CDH13: variants seen among roughly 807,000 people sequenced by gnomAD.
The protein encoded by CDH13 is cadherin-13.
In CDH13, 24 loss-of-function variants were observed where a neutral mutation model predicts 63.8. The ratio of observed to expected loss-of-function variants is 0.38; its 90% CI spans 0.27 to 0.53. The LOEUF is 0.53. CDH13 is among the 20% of genes least tolerant of loss of function. The pLI is 0.85. For synonymous variants in CDH13, 503 were observed against 355.3 expected (o/e 1.42, Z -4.67); for missense variants, 1,049 against 903.1 (o/e 1.16, Z -2.07).
chr16:83,304,476 A>G (rs761842150), intron 5 of CDH13, among the ~76,000 whole-genome samples: 1 of 152,208 alleles, frequency 6.6e-6, no homozygotes, highest in Non-Finnish European at 1.5e-5. Context: ...CTAGAAGTCT[A>G]CATAAAAATA....
At position 83,112,336 on chromosome 16, in the gene CDH13, C is replaced by G. The variant is rs147256957; in HGVS notation, c.367-13049C>G. 1.6e-3 allele frequency among the ~76,000 whole-genome samples: 242 copies of G among 152,252 alleles called. 1 individual carries two copies. Among genetic ancestry groups the G allele is most frequent in the African/African-American group, 5.4e-3 (225 of 41,544 alleles). The stretch of plus-strand genomic sequence containing the variant: ...TTCAGAGATCCAGGCTCCATCTATC[C>G]TAAAGCAAGCAAACAGGCTTTGAGA... On this transcript the variant is annotated intron_variant, in intron 3 of 13. Transcript: ENST00000567109.
chr16:83,300,582 A>G (rs1425555040), intron 5 of CDH13, among the ~76,000 whole-genome samples: 2 of 152,238 alleles, frequency 1.3e-5, no homozygotes, highest in African/African-American at 4.8e-5. Context: ...GCTTGGCACC[A>G]TGCCAGGCAG....
At chr16:83,136,624 G>A (rs1269354295) in intron 4 of CDH13, among the ~76,000 whole-genome samples, 1 of 152,142 alleles carries the variant, frequency 6.6e-6, no homozygotes. Flanking sequence ...GAGAAACTGG[G>A]CTCTCATAGC....
intron 4 of CDH13, among the ~76,000 whole-genome samples, chr16:83,209,214 C>T (rs182913785): frequency 1.2e-4 from 18 of 152,314 alleles, no homozygotes; most frequent in Admixed American, 1.2e-3. Context: ...AGTTAGCACC[C>T]TTTCCCTAAC....
In CDH13 at chr16:83,509,223, G is replaced by A. The variant is rs993139647; in HGVS notation, c.960+22568G>A. ...TATTCACAAAGTATAGCAGGGAGGC[G>A]GCCATGGAAATGACTCTTTACAGCA... On this transcript the variant is annotated intron_variant, in intron 7 of 13. Coordinates refer to ENST00000567109, the MANE Select transcript of CDH13 (RefSeq NM_001257.5). 2.8e-4 allele frequency among the ~76,000 whole-genome samples: 43 copies of A among 152,176 alleles called. 1 individual carries two copies. The highest frequency in any genetic ancestry group is 4.6e-4 in the Admixed American group (7 of 15,278).
intron 6 of CDH13, among the ~76,000 whole-genome samples, chr16:83,407,855 A>G (rs1408366498): frequency 1.3e-5 from 2 of 152,188 alleles, no homozygotes; most frequent in East Asian, 1.9e-4. Context: ...CAAATGCGTA[A>G]TCGACTCACA....
chr16:82,784,987 A>G (rs1317825564), intron 1 of CDH13, among the ~76,000 whole-genome samples: 5 of 152,182 alleles, frequency 3.3e-5, no homozygotes, highest in Admixed American at 2.0e-4. Flanking sequence ...TCCTGGACTC[A>G]GACAGTTAGG....
intron 2 of CDH13, among the ~76,000 whole-genome samples, chr16:82,970,106 G>C (rs961293952): frequency 3.3e-5 from 5 of 152,048 alleles, no homozygotes; most frequent in Non-Finnish European, 4.4e-5. Flanking sequence ...CCCATCGACA[G>C]TGTGGTGTTT....
chr16:82,913,544 G>C (rs1336239354), intron 2 of CDH13, among the ~76,000 whole-genome samples: 2 of 152,130 alleles, frequency 1.3e-5, no homozygotes, highest in African/African-American at 4.8e-5. Context: ...TTGTTACTGT[G>C]GGTCGATGGG....
At chr16:82,855,807 G>A (rs1328010563) in intron 1 of CDH13, among the ~76,000 whole-genome samples, 1 of 152,128 alleles carries the variant, frequency 6.6e-6, no homozygotes, top group African/African-American at 2.4e-5. Context: ...CCAGCCACAC[G>A]GTGAACCTCC....
At chr16:83,586,655 T>C (rs979552300) in intron 7 of CDH13, among the ~76,000 whole-genome samples, 1 of 152,156 alleles carries the variant, frequency 6.6e-6, no homozygotes, top group African/African-American at 2.4e-5. Flanking sequence ...GGAGCCCAGA[T>C]CAGAAAAGGG....
chr16:83,016,060 C>G (rs989981091), intron 2 of CDH13, among the ~76,000 whole-genome samples: 2 of 152,028 alleles, frequency 1.3e-5, no homozygotes, highest in African/African-American at 4.8e-5. Context: ...TGGCAAGGCA[C>G]TCTTGGCAGG....
At chr16:83,256,567 C>G (rs924215039) in intron 5 of CDH13, among the ~76,000 whole-genome samples, 2 of 151,368 alleles carry the variant, frequency 1.3e-5, no homozygotes, top group Non-Finnish European at 2.9e-5. Context: ...CACGGTGGCT[C>G]ACGCCTGTAA....
At chr16:83,269,456 A>T (rs2088729241) in intron 5 of CDH13, among the ~76,000 whole-genome samples, 2 of 152,208 alleles carry the variant, frequency 1.3e-5, no homozygotes, top group African/African-American at 4.8e-5. Flanking sequence ...GGATATGAAG[A>T]TACAAAGATG....
At chr16:83,396,225 T>C (rs2091884220) in intron 6 of CDH13, among the ~76,000 whole-genome samples, 1 of 152,206 alleles carries the variant, frequency 6.6e-6, no homozygotes, top group African/African-American at 2.4e-5. Flanking sequence ...TCCGTGCCTT[T>C]GCTATTGTGT....
intron 6 of CDH13, among the ~76,000 whole-genome samples, chr16:83,413,022 A>G (rs1026361273): frequency 1.3e-5 from 2 of 152,216 alleles, no homozygotes; most frequent in Non-Finnish European, 1.5e-5. Context: ...ATATATTGAC[A>G]TTTTATTCCA....
intron 6 of CDH13, among the ~76,000 whole-genome samples, chr16:83,387,692 G>C (rs561917657): frequency 1.8e-4 from 27 of 152,306 alleles, no homozygotes; most frequent in Admixed American, 1.5e-3. Flanking sequence ...CTTGGACATG[G>C]TTGAGAATGT....
intron 4 of CDH13, among the ~76,000 whole-genome samples, chr16:83,155,770 G>C (rs143268810): frequency 6.6e-6 from 1 of 152,324 alleles, no homozygotes; most frequent in African/African-American, 2.4e-5. Flanking sequence ...ACTGCAAACA[G>C]ATGATATAAA....
intron 3 of CDH13, among the ~76,000 whole-genome samples, chr16:83,108,795 G>C (rs1204140910): frequency 6.6e-6 from 1 of 152,136 alleles, no homozygotes; most frequent in Non-Finnish European, 1.5e-5. Context: ...CACAAGCCTA[G>C]AGAATGTGTA....
Sources: gnomAD v4.1 joint callset for allele counts (sites outside exome capture counted in the v4.1 genomes callset) on GRCh38, gnomAD v4.1.1 for gene constraint, MANE v1.5 for transcripts, NCBI Gene and HGNC (gene_info 2026-07-23, HGNC 2026-07-21) for gene names.